Variants in CAPN13 observed in about 807,000 individuals in gnomAD.
The protein encoded by CAPN13 is calpain 13.
A neutral mutation model predicts 98.4 loss-of-function variants in CAPN13; 90 were observed. The observed-to-expected ratio is 0.92, with a 90% CI of 0.77 to 1.09. The LOEUF is 1.09. Among genes scored for constraint, CAPN13 ranks in the 50% least tolerant of loss-of-function variants. CAPN13 has a pLI of 0.00. For missense variants in CAPN13, 887 were observed against 841.3 expected (o/e 1.05, Z -0.67); for synonymous variants, 330 against 305.5 (o/e 1.08, Z -0.84).
intron 5 of CAPN13, among the ~76,000 whole-genome samples, chr2:30,765,033 T>C (rs1308119878): frequency 6.6e-6 from 1 of 152,030 alleles, no homozygotes; most frequent in East Asian, 1.9e-4. Context: ...CACCCCCTTC[T>C]CCAAAGCATC....
At chr2:30,772,629 C>T (rs1464019859) in intron 4 of CAPN13, among the ~76,000 whole-genome samples, 5 of 152,060 alleles carry the variant, frequency 3.3e-5, no homozygotes, top group African/African-American at 1.2e-4. Context: ...TGACAGAAGA[C>T]CTAATATGCA....
intron 7 of CAPN13, among the ~76,000 whole-genome samples, chr2:30,758,517 T>C (rs1672578444): frequency 6.6e-6 from 1 of 152,174 alleles, no homozygotes; most frequent in Non-Finnish European, 1.5e-5. Context: ...CTGTCATGGA[T>C]GGCATCTGTT....
At chr2:30,744,142 A>G (rs1671796551) in intron 12 of CAPN13, among the ~76,000 whole-genome samples, 1 of 152,202 alleles carries the variant, frequency 6.6e-6, no homozygotes, top group African/African-American at 2.4e-5. Flanking sequence ...CTATTACCAG[A>G]TGTCACATAC....
At position 30,742,362 on chromosome 2, in the gene CAPN13, A is replaced by G; in HGVS notation, c.1446-3T>C. The G allele has an allele frequency of 6.2e-7, 1 of 1,604,074 alleles. No homozygotes were observed. The highest frequency in any genetic ancestry group is 8.5e-7 in the Non-Finnish European group (1 of 1,175,342). ...GGTTGAAATGGCTGCTCAGGTGCCT[A>G]GAAAATCAGAGGACAGTGTGACAAA... On this transcript the variant is annotated splice_polypyrimidine_tract_variant and splice_region_variant and intron_variant, in intron 13 of 22. Transcript: ENST00000295055.
chr2:30,773,327 A>G (rs11904655), intron 4 of CAPN13, among the ~76,000 whole-genome samples: 46,322 of 151,518 alleles, frequency 0.31, 7,973 homozygotes, highest in Non-Finnish European at 0.4. Context: ...AGAGCAAAGG[A>G]AAAACTCTCA....
At chr2:30,771,952 G>A (rs910453392) in intron 4 of CAPN13, among the ~76,000 whole-genome samples, 1 of 152,200 alleles carries the variant, frequency 6.6e-6, no homozygotes, top group African/African-American at 2.4e-5. Context: ...GTGGCCGTTT[G>A]GTTCAGCACC....
At position 30,799,881 on chromosome 2, in the gene CAPN13, A is replaced by G. The variant is rs191630487; in HGVS notation, c.-33+7421T>C. On this transcript the variant is annotated intron_variant, in intron 1 of 22. Coordinates refer to ENST00000295055, the MANE Select transcript of CAPN13 (RefSeq NM_144575.3). ...GAGGTCAGGAGATCGAGACCATCCT[A>G]GCTAACACGGTGAAACCCCGTCTCT... 7.4e-3 allele frequency among the ~76,000 whole-genome samples: 1,124 copies of G among 152,000 alleles called. 1 individual carries two copies. The highest frequency in any genetic ancestry group is 0.017 in the Middle Eastern group (5 of 294).
At chr2:30,742,181 G>A (rs566094484) in intron 14 of CAPN13, 145 bp downstream of exon 14, 40 of 1,079,140 alleles carry the variant, frequency 3.7e-5, no homozygotes, top group South Asian at 7.6e-5. Context: ...CCCCTACCCC[G>A]CCCCTTTGAG....
chr2:30,780,874 T>A (rs1673952509), intron 2 of CAPN13, among the ~76,000 whole-genome samples: 1 of 152,154 alleles, frequency 6.6e-6, no homozygotes, highest in Non-Finnish European at 1.5e-5. Context: ...AGGAAACAGG[T>A]AAAGATGGCT....
In CAPN13 at chr2:30,777,656, G is replaced by A. The variant is rs759331795; in HGVS notation, c.199-17C>T. 131 of 1,539,280 alleles carry A rather than the reference G, an allele frequency of 8.5e-5. No individual in the cohort carries two copies. The Middle Eastern group carries it at 2.0e-3, about 24-fold the overall frequency. On this transcript the variant is annotated splice_polypyrimidine_tract_variant and intron_variant, in intron 2 of 22. Coordinates refer to ENST00000295055, the MANE Select transcript of CAPN13 (RefSeq NM_144575.3). Reference sequence around the variant, plus strand: ...TGGTAGATCCTTTAGGAAAGAGGGAGAAAAGCTATGAACATCGTTTATTCC... The same window carrying A: ...TGGTAGATCCTTTAGGAAAGAGGGAAAAAAGCTATGAACATCGTTTATTCC...
At chr2:30,752,756 C>G (rs917961008) in intron 10 of CAPN13, among the ~76,000 whole-genome samples, 1 of 152,216 alleles carries the variant, frequency 6.6e-6, no homozygotes, top group African/African-American at 2.4e-5. Flanking sequence ...TGGACATTTA[C>G]TGGAGGGTGG....
At chr2:30,741,780 G>A in intron 15 of CAPN13, 128 bp downstream of exon 15, 2 of 1,530,230 alleles carry the variant, frequency 1.3e-6, no homozygotes, top group African/African-American at 1.4e-5. Flanking sequence ...CAGGAAGAGA[G>A]GCAGGTAAAA....
At chr2:30,726,517 A>G (rs1251923345) in intron 22 of CAPN13, among the ~76,000 whole-genome samples, 4 of 152,228 alleles carry the variant, frequency 2.6e-5, no homozygotes, top group African/African-American at 9.6e-5. Context: ...GAACTAATAA[A>G]CAAGTTTAGC....
intron 1 of CAPN13, among the ~76,000 whole-genome samples, chr2:30,800,120 G>GAAAGAAAAGAAAGA (rs1553322207): frequency 3.1e-4 from 22 of 70,838 alleles, no homozygotes; most frequent in African/African-American, 1.3e-3. Flanking sequence ...AGAAAGAAAA[G>GAAAGAAAAGAAAGA]AAAGAAAGAA....
intron 8 of CAPN13, 50 bp downstream of exon 8, chr2:30,757,996 C>A: frequency 7.0e-7 from 1 of 1,430,176 alleles, no homozygotes. Context: ...GAGGCTCTAC[C>A]GACACCAAGC....
intron 19 of CAPN13, among the ~76,000 whole-genome samples, chr2:30,733,038 G>A (rs917042633): frequency 2.0e-5 from 3 of 152,216 alleles, no homozygotes; most frequent in African/African-American, 4.8e-5. Flanking sequence ...CTGACCCTTG[G>A]CGGGAGAGCA....
chr2:30,801,544 G>T (rs1675271348), intron 1 of CAPN13, among the ~76,000 whole-genome samples: 1 of 149,468 alleles, frequency 6.7e-6, no homozygotes, highest in South Asian at 2.1e-4. Context: ...GGCGGAGGTT[G>T]CAGTGAGCCA....
In CAPN13 at chr2:30,777,567, C is replaced by T. The variant is rs1252149307; in HGVS notation, c.271G>A (p.Ala91Thr). ...CGGAGGGAAGATGTTGCACTCTTAC[C>T]TGCGCCTCCTTGTTGGATGTCAAAT... ...SRFDIQQGGA[A>T]DCWFLAALGS... Residue 91 changes from alanine to threonine, a missense_variant and splice_region_variant, in exon 3 of 23, where the codon GCT becomes ACT. Coordinates refer to ENST00000295055, the MANE Select transcript of CAPN13 (RefSeq NM_144575.3). 6.4e-7 allele frequency: 1 copy of T among 1,572,536 alleles called. No homozygotes were observed. Among genetic ancestry groups the T allele is most frequent in the Non-Finnish European group, 8.6e-7 (1 of 1,157,294 alleles).
chr2:30,748,654 C>T (rs182360696), intron 11 of CAPN13, among the ~76,000 whole-genome samples: 50 of 152,164 alleles, frequency 3.3e-4, no homozygotes, highest in African/African-American at 1.1e-3. Context: ...GGATATTTGG[C>T]CTCTAGCTGC....
Sources: allele counts gnomAD v4.1 joint callset (sites outside exome capture counted in the v4.1 genomes callset), GRCh38; gene constraint gnomAD v4.1.1; transcripts MANE v1.5; gene names NCBI Gene and HGNC (gene_info 2026-07-23, HGNC 2026-07-21).